Variants in PGAP1 observed in about 807,000 individuals in gnomAD.
PGAP1 encodes GPI inositol-deacylase.
In PGAP1, 76 loss-of-function variants were observed where a neutral mutation model predicts 127.0. That is an observed-to-expected ratio of 0.60 (90% CI 0.50 to 0.72). PGAP1 has a LOEUF of 0.72. PGAP1 is among the 30% of genes least tolerant of loss of function. PGAP1 has a pLI of 0.00. For synonymous variants in PGAP1, 362 were observed against 366.5 expected, an observed-to-expected ratio of 0.99 and a Z score of 0.14; for missense variants, 982 against 1,071.3, an observed-to-expected ratio of 0.92 and a Z score of 1.16.
intron 10 of PGAP1, among the ~76,000 whole-genome samples, chr2:196,889,551 A>C (rs1310285873): frequency 6.6e-6 from 1 of 151,910 alleles, no homozygotes; most frequent in Non-Finnish European, 1.5e-5. Flanking sequence ...AGGAAAAAGA[A>C]TCCAAATTAA....
chr2:196,887,430 G>A (rs1217640295), intron 10 of PGAP1, among the ~76,000 whole-genome samples: 1 of 152,078 alleles, frequency 6.6e-6, no homozygotes, highest in Non-Finnish European at 1.5e-5. Flanking sequence ...AAAAACAGCA[G>A]TGTGACCTGA....
At position 196,836,843 on chromosome 2, in the gene PGAP1, T is replaced by G. The variant is rs1700249779; in HGVS notation, c.*4391A>C. Reference sequence around the variant, plus strand: ...TACTGCTTTCTTATCCTGGCAAATGTCATGCACTCCAAATGGATTTTCCCC... The same window carrying G: ...TACTGCTTTCTTATCCTGGCAAATGGCATGCACTCCAAATGGATTTTCCCC... On this transcript the variant is annotated 3_prime_UTR_variant, in exon 27 of 27. Transcript: ENST00000354764. The G allele has an allele frequency of 6.6e-6, 1 of 152,214 alleles. No individual in the cohort carries two copies. Among genetic ancestry groups the G allele is most frequent in the Non-Finnish European group, 1.5e-5 (1 of 68,038 alleles). 9.4% of individuals were successfully genotyped at this position (152,214 alleles called of 1,614,324 possible).
intron 1 of PGAP1, 59 bp from the exon 2 acceptor site, chr2:196,920,209 A>C (rs4613304): frequency 6.9e-7 from 1 of 1,451,210 alleles, no homozygotes; most frequent in Non-Finnish European, 9.3e-7. Context: ...ATTCAGCCTC[A>C]CCATATGCAA....
intron 19 of PGAP1, among the ~76,000 whole-genome samples, chr2:196,868,120 C>G (rs1352638117): frequency 6.6e-6 from 1 of 152,138 alleles, no homozygotes; most frequent in Non-Finnish European, 1.5e-5. Context: ...TTTCCCTTCT[C>G]TCTATATATA....
chr2:196,860,799 A>G (rs1016025464), intron 20 of PGAP1, among the ~76,000 whole-genome samples: 1 of 152,230 alleles, frequency 6.6e-6, no homozygotes, highest in Non-Finnish European at 1.5e-5. Context: ...ATCCCCATCA[A>G]AATACCAATG....
intron 12 of PGAP1, among the ~76,000 whole-genome samples, chr2:196,883,934 C>T (rs1268438996): frequency 6.6e-6 from 1 of 152,166 alleles, no homozygotes; most frequent in East Asian, 1.9e-4. Flanking sequence ...TCTCTTTCAG[C>T]ATTTGCCATG....
chr2:196,890,971 A>C (rs918263180), intron 9 of PGAP1, 60 bp from the exon 10 acceptor site: 2 of 843,422 alleles, frequency 2.4e-6, no homozygotes, highest in African/African-American at 3.4e-5. Context: ...TTCATCATTC[A>C]AAAATCCAGA....
At chr2:196,862,195 G>A (rs1022516164) in intron 20 of PGAP1, among the ~76,000 whole-genome samples, 5 of 152,022 alleles carry the variant, frequency 3.3e-5, no homozygotes, top group Admixed American at 6.6e-5. Flanking sequence ...AAGAGAATAC[G>A]CGCCTGAGGG....
intron 18 of PGAP1, 114 bp downstream of exon 18, chr2:196,872,327 A>G (rs1310897813): frequency 1.5e-5 from 10 of 657,286 alleles, no homozygotes; most frequent in African/African-American, 3.7e-5. Flanking sequence ...TTAAATGCCT[A>G]TTTTTTATAT....
At chr2:196,849,327 G>C (rs1437050501) in intron 20 of PGAP1, among the ~76,000 whole-genome samples, 1 of 148,140 alleles carries the variant, frequency 6.8e-6, no homozygotes, top group Middle Eastern at 3.4e-3. Context: ...GCAGTGGCAC[G>C]ATCTTGGCTC....
At chr2:196,919,668 T>G (rs545054391) in intron 2 of PGAP1, among the ~76,000 whole-genome samples, 1 of 152,322 alleles carries the variant, frequency 6.6e-6, no homozygotes, top group Admixed American at 6.5e-5. Flanking sequence ...CTTAAGGTTC[T>G]GTTCTCTTTA....
chr2:196,858,592 T>TA, intron 20 of PGAP1, among the ~76,000 whole-genome samples: 1 of 151,038 alleles, frequency 6.6e-6, no homozygotes, highest in African/African-American at 2.4e-5. Flanking sequence ...AGACTTCAAA[T>TA]AAAAAACCTA....
At chr2:196,905,625 G>T (rs905067241) in intron 4 of PGAP1, among the ~76,000 whole-genome samples, 2 of 152,020 alleles carry the variant, frequency 1.3e-5, no homozygotes, top group East Asian at 1.9e-4. Flanking sequence ...GAACAGCTCC[G>T]GTCTACAGCT....
intron 20 of PGAP1, among the ~76,000 whole-genome samples, chr2:196,859,172 C>G (rs891627466): frequency 5.3e-5 from 8 of 151,892 alleles, no homozygotes; most frequent in African/African-American, 1.7e-4. Context: ...ACTAAAAATA[C>G]AAAAATTAGC....
At chr2:196,918,601 C>T (rs1372463196) in intron 2 of PGAP1, among the ~76,000 whole-genome samples, 1 of 152,034 alleles carries the variant, frequency 6.6e-6, no homozygotes, top group African/African-American at 2.4e-5. Context: ...TGACTATATT[C>T]ATATTACAAA....
intron 13 of PGAP1, among the ~76,000 whole-genome samples, chr2:196,877,817 A>T (rs952991172): frequency 6.6e-6 from 1 of 152,168 alleles, no homozygotes; most frequent in Admixed American, 6.5e-5. Flanking sequence ...TTTATGCAGT[A>T]GTCACTGAAG....
intron 20 of PGAP1, 41 bp from the exon 21 acceptor site, chr2:196,848,078 A>T: frequency 7.1e-7 from 1 of 1,403,582 alleles, no homozygotes; most frequent in Non-Finnish European, 9.9e-7. Context: ...TACAGTAATT[A>T]AGTATGAGAT....
chr2:196,916,348 A>G (rs1318228003), intron 3 of PGAP1, 70 bp downstream of exon 3: 1 of 1,362,896 alleles, frequency 7.3e-7, no homozygotes, highest in African/African-American at 1.5e-5. Context: ...GATTTAAAGT[A>G]TACTGAATCC....
intron 1 of PGAP1, among the ~76,000 whole-genome samples, chr2:196,921,391 T>C (rs1168780186): frequency 2.0e-5 from 3 of 152,188 alleles, no homozygotes; most frequent in Non-Finnish European, 2.9e-5. Context: ...ATTCGTTTTA[T>C]ATTTGGTATA....
Sources: allele counts gnomAD v4.1 joint callset (sites outside exome capture counted in the v4.1 genomes callset), GRCh38; gene constraint gnomAD v4.1.1; transcripts MANE v1.5; gene names NCBI Gene and HGNC (gene_info 2026-07-23, HGNC 2026-07-21).